ELMO1: variants seen among roughly 807,000 people sequenced by gnomAD.
ELMO1 encodes engulfment and cell motility 1.
In ELMO1, 26 loss-of-function variants were observed where a neutral mutation model predicts 98.9. The ratio of observed to expected loss-of-function variants is 0.26; its 90% CI spans 0.19 to 0.36. The LOEUF (loss-of-function observed/expected upper bound fraction) is 0.36. Among genes scored for constraint, ELMO1 ranks in the 10% least tolerant of loss-of-function variants. The pLI, the probability that ELMO1 is intolerant of heterozygous loss-of-function variation, is 1.00. For missense variants in ELMO1, 627 were observed against 935.2 expected (o/e 0.67, Z 4.30); for synonymous variants, 346 against 346.0 (o/e 1.00, Z 0.00).
chr7:37,025,822 T>G (rs957532300), intron 15 of ELMO1, among the ~76,000 whole-genome samples: 1 of 151,098 alleles, frequency 6.6e-6, no homozygotes, highest in Admixed American at 6.6e-5. Context: ...TACATACATA[T>G]ATATCATATA....
intron 5 of ELMO1, among the ~76,000 whole-genome samples, chr7:37,262,672 A>C (rs1796034478): frequency 6.6e-6 from 1 of 152,204 alleles, no homozygotes; most frequent in Admixed American, 6.5e-5. Flanking sequence ...CCTAGGACAT[A>C]GGTGAACAAC....
At chr7:37,144,757 G>C (rs1164364547) in intron 13 of ELMO1, among the ~76,000 whole-genome samples, 1 of 152,152 alleles carries the variant, frequency 6.6e-6, no homozygotes, top group Non-Finnish European at 1.5e-5. Context: ...CCAACCAGCT[G>C]AAAATATTAT....
intron 16 of ELMO1, among the ~76,000 whole-genome samples, chr7:36,990,789 G>C (rs1052632755): frequency 6.6e-6 from 1 of 151,828 alleles, no homozygotes; most frequent in African/African-American, 2.4e-5. Flanking sequence ...AATGTTAGGC[G>C]GTATACATGT....
In ELMO1 at chr7:36,945,743, G is replaced by T. The variant is rs551417555; in HGVS notation, c.1438-50726C>A. Among the ~76,000 whole-genome samples the T allele has an allele frequency of 3.9e-5, 6 of 152,228 alleles. No individual in the cohort carries two copies. In the South Asian group the frequency reaches 6.2e-4, roughly 16 times the overall value. On this transcript the variant is annotated intron_variant, in intron 16 of 21. Coordinates refer to ENST00000310758, the MANE Select transcript of ELMO1 (RefSeq NM_014800.11). The stretch of plus-strand genomic sequence containing the variant: ...TGCTAACATAATAGCCTGACATACT[G>T]CCCAGAGTCCTTGACGGTACTATTT...
chr7:36,899,826 G>A (rs1489883296), intron 16 of ELMO1, among the ~76,000 whole-genome samples: 1 of 151,694 alleles, frequency 6.6e-6, no homozygotes, highest in African/African-American at 2.4e-5. Context: ...CTAAGCCTTA[G>A]TTTGCTCATT....
chr7:37,013,754 C>G lies in ELMO1; in HGVS notation c.1301-319G>C, dbSNP rs562515032. On this transcript the variant is annotated intron_variant, in intron 15 of 21. Coordinates refer to ENST00000310758, the MANE Select transcript of ELMO1 (RefSeq NM_014800.11). ...TGATTATGAGCCCTATATCTGCCTT[C>G]TTGACCTTATACAGATTATTCAAAC... is the stretch of plus-strand genomic sequence containing the variant. 1.5e-4 allele frequency: 39 copies of G among 263,820 alleles called. 1 individual carries two copies. In the South Asian group the frequency reaches 2.3e-3, roughly 16 times the overall value. The allele number at this position is 263,820 out of a possible 1,614,324, so 16.3% of individuals were successfully genotyped here. A position where few individuals can be genotyped will look rare whatever the true frequency, so the allele number is the denominator to read the frequency against.
chr7:37,180,230 G>A (rs1156531986), intron 13 of ELMO1, among the ~76,000 whole-genome samples: 1 of 152,142 alleles, frequency 6.6e-6, no homozygotes, highest in African/African-American at 2.4e-5. Context: ...AATTGGGACA[G>A]CTTTACAATG....
At chr7:37,089,554 T>A (rs1783961647) in intron 15 of ELMO1, among the ~76,000 whole-genome samples, 1 of 152,184 alleles carries the variant, frequency 6.6e-6, no homozygotes, top group African/African-American at 2.4e-5. Context: ...AGGACAGTAA[T>A]GCAGTGGAGC....
At chr7:37,223,092 A>G (rs1354193769) in intron 9 of ELMO1, among the ~76,000 whole-genome samples, 1 of 152,242 alleles carries the variant, frequency 6.6e-6, no homozygotes, top group Non-Finnish European at 1.5e-5. Context: ...ATCAGGGAGT[A>G]GTTTCAGATG....
intron 1 of ELMO1, among the ~76,000 whole-genome samples, chr7:37,376,927 C>A (rs1802372946): frequency 6.6e-6 from 1 of 152,198 alleles, no homozygotes; most frequent in Non-Finnish European, 1.5e-5. Context: ...CTCACAGCAT[C>A]CCTTAATAAT....
intron 16 of ELMO1, among the ~76,000 whole-genome samples, chr7:36,935,427 C>T (rs1238808612): frequency 6.6e-6 from 1 of 152,182 alleles, no homozygotes. Flanking sequence ...TACTAGTACT[C>T]TACTGGCCTA....
chr7:37,385,422 G>C (rs951820273), intron 1 of ELMO1, among the ~76,000 whole-genome samples: 4 of 152,202 alleles, frequency 2.6e-5, no homozygotes, highest in African/African-American at 7.2e-5. Flanking sequence ...AACATTTCCC[G>C]AACTGCCCTG....
chr7:37,388,353 AT>A (rs1005834854), intron 1 of ELMO1, among the ~76,000 whole-genome samples: 6 of 151,820 alleles, frequency 4.0e-5, no homozygotes, highest in African/African-American at 7.3e-5. Context: ...AAAATACTGC[AT>A]TTTTTTGTAC....
chr7:37,170,174 GGATTACAGGCGT>G (rs1790052853), intron 13 of ELMO1, among the ~76,000 whole-genome samples: 1 of 152,160 alleles, frequency 6.6e-6, no homozygotes, highest in Admixed American at 6.5e-5. Context: ...CAAAGTGCTG[GGATTACAGGCGT>G]GAGCCACCGC....
At chr7:36,968,339 T>A (rs1345630774) in intron 16 of ELMO1, among the ~76,000 whole-genome samples, 1 of 152,228 alleles carries the variant, frequency 6.6e-6, no homozygotes, top group Non-Finnish European at 1.5e-5. Context: ...TCACAGAAAA[T>A]TTTAAGTTCT....
chr7:37,169,826 C>T (rs1400689724), intron 13 of ELMO1, among the ~76,000 whole-genome samples: 2 of 152,268 alleles, frequency 1.3e-5, no homozygotes, highest in East Asian at 1.9e-4. Flanking sequence ...GCACAGTGAA[C>T]GTCCACAATT....
At chr7:36,976,342 T>C (rs1007033711) in intron 16 of ELMO1, among the ~76,000 whole-genome samples, 2 of 152,234 alleles carry the variant, frequency 1.3e-5, no homozygotes, top group African/African-American at 4.8e-5. Flanking sequence ...CTATCATACT[T>C]CTCTGAAACA....
chr7:37,104,010 CAAAAAAAAAAAAAAAA>C (rs35979251), intron 14 of ELMO1, among the ~76,000 whole-genome samples: 16 of 29,020 alleles, frequency 5.5e-4, no homozygotes, highest in Admixed American at 5.2e-3. Flanking sequence ...GACTCCATCT[CAAAAAAAAAAAAAAAA>C]AAAAAAAAAA....
rs67631888 is a variant in ELMO1 at position 37,429,019 on chromosome 7, G to GGTTGTT, written c.-74+19650_-74+19655dup. Among the ~76,000 whole-genome samples the GGTTGTT allele has an allele frequency of 8.9e-3, 1,353 of 151,200 alleles. 21 individuals carry two copies. Among genetic ancestry groups the GGTTGTT allele is most frequent in the African/African-American group, 0.029 (1,212 of 41,122 alleles). On this transcript the variant is annotated intron_variant, in intron 1 of 21. Transcript: ENST00000310758. Reference sequence around the variant, plus strand: ...GGAGGATGTGGGCACACGTACTGCAGGTTGTTGTTGTTGTTGTTGTTGTTG... The same window carrying GGTTGTT: ...GGAGGATGTGGGCACACGTACTGCAGGTTGTTGTTGTTGTTGTTGTTGTTGTTGTTG...
Sources: gnomAD v4.1 joint callset for allele counts (sites outside exome capture counted in the v4.1 genomes callset) on GRCh38, gnomAD v4.1.1 for gene constraint, MANE v1.5 for transcripts, NCBI Gene and HGNC (gene_info 2026-07-23, HGNC 2026-07-21) for gene names.